KAZN: variants seen among roughly 807,000 people sequenced by gnomAD.
The protein encoded by KAZN is kazrin, periplakin interacting protein.
A neutral mutation model predicts 87.4 loss-of-function variants in KAZN; 40 were observed. The ratio of observed to expected loss-of-function variants is 0.46; its 90% CI spans 0.36 to 0.60. The LOEUF (loss-of-function observed/expected upper bound fraction) is 0.60, where lower values mean the gene tolerates loss of function less well. Among genes scored for constraint, KAZN ranks in the 20% least tolerant of loss-of-function variants. KAZN has a pLI of 0.00. For missense variants in KAZN, 898 were observed against 1,073.9 expected (o/e 0.84, Z 2.29); for synonymous variants, 466 against 458.3 (o/e 1.02, Z -0.22).
intron 2 of KAZN, among the ~76,000 whole-genome samples, chr1:14,524,428 G>A (rs918435965): frequency 6.6e-6 from 1 of 152,092 alleles, no homozygotes; most frequent in African/African-American, 2.4e-5. Context: ...TTCCACAAAG[G>A]AGCCTGTGCC....
At chr1:14,819,268 A>T (rs1304315075) in intron 1 of KAZN, among the ~76,000 whole-genome samples, 1 of 152,180 alleles carries the variant, frequency 6.6e-6, no homozygotes, top group East Asian at 1.9e-4. Context: ...GAAAAAGCCA[A>T]ATCCTCGAGC....
chr1:14,601,786 G>T (rs1242195297), intron 1 of KAZN, among the ~76,000 whole-genome samples: 3 of 152,124 alleles, frequency 2.0e-5, no homozygotes, highest in Non-Finnish European at 4.4e-5. Context: ...AAGTGCTATT[G>T]AGTTATCAGT....
At chr1:14,715,369 T>C (rs913774666) in intron 1 of KAZN, among the ~76,000 whole-genome samples, 1 of 152,228 alleles carries the variant, frequency 6.6e-6, no homozygotes, top group Non-Finnish European at 1.5e-5. Flanking sequence ...TATAGTGCTT[T>C]ACCTTCACGA....
intron 1 of KAZN, among the ~76,000 whole-genome samples, chr1:14,623,481 G>C (rs901544765): frequency 6.6e-6 from 1 of 152,186 alleles, no homozygotes; most frequent in African/African-American, 2.4e-5. Context: ...GTGGAGGATC[G>C]GAGGAGGGAG....
chr1:14,040,160 T>G (rs1381903605), intron 1 of KAZN, among the ~76,000 whole-genome samples: 3 of 152,086 alleles, frequency 2.0e-5, no homozygotes, highest in African/African-American at 7.2e-5. Context: ...AGGGATTTCA[T>G]GTTTACCTGG....
intron 1 of KAZN, among the ~76,000 whole-genome samples, chr1:14,179,744 C>T (rs1341568843): frequency 6.6e-6 from 1 of 152,174 alleles, no homozygotes; most frequent in Non-Finnish European, 1.5e-5. Context: ...AGGTGCTGTT[C>T]TAGTTTTTGG....
At chr1:14,114,029 G>A (rs945814592) in intron 1 of KAZN, among the ~76,000 whole-genome samples, 14 of 152,168 alleles carry the variant, frequency 9.2e-5, no homozygotes, top group African/African-American at 3.4e-4. Flanking sequence ...CCAGGGGAGG[G>A]CACTCTTCTC....
intron 2 of KAZN, among the ~76,000 whole-genome samples, chr1:14,540,730 T>C (rs1396535147): frequency 6.6e-6 from 1 of 152,232 alleles, no homozygotes; most frequent in South Asian, 2.1e-4. Flanking sequence ...GGGGAAAATA[T>C]TAAAACTTAG....
chr1:14,281,081 T>C (rs932688514), intron 2 of KAZN, among the ~76,000 whole-genome samples: 1 of 152,218 alleles, frequency 6.6e-6, no homozygotes, highest in African/African-American at 2.4e-5. Context: ...CCAGTTTCAC[T>C]GGATATTTCC....
chr1:14,405,359 CAT>C (rs1455855078), intron 2 of KAZN, among the ~76,000 whole-genome samples: 3 of 152,122 alleles, frequency 2.0e-5, no homozygotes, highest in East Asian at 1.9e-4. Context: ...ACCAAGAAAT[CAT>C]ATAGATTTTC....
chr1:13,957,337 CT>C (rs1244727725), intron 1 of KAZN, among the ~76,000 whole-genome samples: 1 of 152,190 alleles, frequency 6.6e-6, no homozygotes. Flanking sequence ...CCCTGCTCTT[CT>C]GGGACAGGGA....
At chr1:14,033,637 C>G (rs926244778) in intron 1 of KAZN, among the ~76,000 whole-genome samples, 3 of 152,220 alleles carry the variant, frequency 2.0e-5, no homozygotes, top group Admixed American at 6.5e-5. Flanking sequence ...GGTGTGCTCA[C>G]TCCTTCTTAT....
intron 1 of KAZN, among the ~76,000 whole-genome samples, chr1:14,079,092 G>A (rs1040942117): frequency 5.3e-5 from 8 of 152,182 alleles, no homozygotes; most frequent in African/African-American, 1.7e-4. Flanking sequence ...TTTGGCTCAC[G>A]ATTCTGCGGG....
intron 2 of KAZN, among the ~76,000 whole-genome samples, chr1:14,516,739 G>A (rs1371142568): frequency 6.6e-6 from 1 of 152,136 alleles, no homozygotes; most frequent in Non-Finnish European, 1.5e-5. Flanking sequence ...TCCAAAGGGG[G>A]AAAAATAAAT....
chr1:13,910,596 T>C (rs1379479738), intron 1 of KAZN, among the ~76,000 whole-genome samples: 1 of 152,014 alleles, frequency 6.6e-6, no homozygotes, highest in Non-Finnish European at 1.5e-5. Context: ...TCTGCCCCAA[T>C]TGCAAGTTTC....
chr1:14,370,696 TTTTA>T (rs1660408140), intron 2 of KAZN, among the ~76,000 whole-genome samples: 1 of 152,198 alleles, frequency 6.6e-6, no homozygotes, highest in African/African-American at 2.4e-5. Context: ...ATCTTCTCTT[TTTTA>T]TTTAAGTTTG....
chr1:14,776,756 A>T (rs1308080101), intron 1 of KAZN, among the ~76,000 whole-genome samples: 1 of 151,992 alleles, frequency 6.6e-6, no homozygotes, highest in African/African-American at 2.4e-5. Flanking sequence ...GAAAGACCTT[A>T]TCTCCACAAT....
intron 2 of KAZN, among the ~76,000 whole-genome samples, chr1:14,559,281 G>C (rs776055858): frequency 2.0e-5 from 3 of 152,320 alleles, no homozygotes; most frequent in East Asian, 3.9e-4. Flanking sequence ...GACGGCAAAT[G>C]CATGTTGAAT....
Position 15,056,312 on chromosome 1 carries a change from G to T in KAZN, c.916+32G>T. The T allele has an allele frequency of 6.4e-7, 1 of 1,556,910 alleles. No individual in the cohort carries two copies. The highest frequency in any genetic ancestry group is 8.7e-7 in the Non-Finnish European group (1 of 1,144,082). On this transcript the variant is annotated intron_variant, in intron 5 of 14. Coordinates refer to ENST00000376030, the MANE Select transcript of KAZN (RefSeq NM_201628.3). This position sits in a 1 kb window ranked among gnomAD's most constrained non-coding sequence, Gnocchi z 5.4. ...CCTGCCCTGGCCTGGCTCCACCACG[G>T]CTTCGAGGGGCTTCACAGGAGGCCA...
Sources: gnomAD v4.1 joint callset for allele counts (sites outside exome capture counted in the v4.1 genomes callset) on GRCh38, gnomAD v4.1.1 for gene constraint, Gnocchi (gnomAD v3.1) non-coding constraint, MANE v1.5 for transcripts, NCBI Gene and HGNC (gene_info 2026-07-23, HGNC 2026-07-21) for gene names.